GALNT15: variants seen among roughly 807,000 people sequenced by gnomAD.
GALNT15 encodes UDP-GalNAc transferase T15.
GALNT15 carries 67 observed loss-of-function variants against 66.8 expected under a neutral mutation model. That is an observed-to-expected ratio of 1.00 (90% CI 0.82 to 1.23). The LOEUF (loss-of-function observed/expected upper bound fraction) is 1.23. GALNT15 is among the 50% of genes most tolerant of loss of function. The probability of loss-of-function intolerance (pLI) is 0.00; values close to 1 mark genes in which losing one functional copy is unlikely to be tolerated. For missense variants in GALNT15, 827 were observed against 804.3 expected (o/e 1.03, Z -0.34); for synonymous variants, 313 against 311.5 (o/e 1.00, Z -0.05).
At chr3:16,216,906 TTCTA>T (rs1202723683) in intron 6 of GALNT15, among the ~76,000 whole-genome samples, 4 of 152,332 alleles carry the variant, frequency 2.6e-5, no homozygotes, top group South Asian at 4.1e-4. Flanking sequence ...TTTCAGGTTT[TTCTA>T]TCTGTTGGGA....
rs2063533142 is a variant in GALNT15 at position 16,187,808 on chromosome 3, C to T, written c.540-7952C>T. Among the ~76,000 whole-genome samples the T allele has an allele frequency of 6.6e-6, 1 of 152,184 alleles. No homozygotes were observed. Among genetic ancestry groups the T allele is most frequent in the African/African-American group, 2.4e-5 (1 of 41,448 alleles). On this transcript the variant is annotated intron_variant, in intron 1 of 9. Coordinates refer to ENST00000339732, the MANE Select transcript of GALNT15 (RefSeq NM_054110.5). This position sits in a 1 kb window ranked among gnomAD's most constrained non-coding sequence, Gnocchi z 5.1. ...ATAATTCTTGTAATAATTCATGCTG[C>T]TAAAGCACAGCACCTGGTACATAGG... is the stretch of plus-strand genomic sequence containing the variant.
chr3:16,215,838 A>G (rs1215617924), intron 6 of GALNT15, among the ~76,000 whole-genome samples: 1 of 150,512 alleles, frequency 6.6e-6, no homozygotes, highest in Non-Finnish European at 1.5e-5. Flanking sequence ...TGAACCCAGA[A>G]GGCGGAGGTT....
intron 8 of GALNT15, chr3:16,220,229 A>G (rs376743975): frequency 7.1e-6 from 4 of 564,014 alleles, no homozygotes; most frequent in African/African-American, 3.7e-5. Context: ...GTCAGAAAAT[A>G]AAAGCATCTT....
At chr3:16,241,938 G>A in the GALNT15 span, among the ~76,000 whole-genome samples, 36 of 152,310 alleles carry the variant, frequency 2.4e-4, 1 homozygote, top group South Asian at 1.0e-3. The surrounding 1 kb of genome is among the most constrained non-coding windows in gnomAD (Gnocchi z 4.6). Context: ...GTCAGCTCAT[G>A]GCTGTTCTTT....
chr3:16,216,313 C>T (rs2124893582), intron 6 of GALNT15, among the ~76,000 whole-genome samples: 1 of 151,652 alleles, frequency 6.6e-6, no homozygotes, highest in East Asian at 1.9e-4. Context: ...GCCTGGGCAA[C>T]ATGGTGAAAC....
intron 9 of GALNT15, among the ~76,000 whole-genome samples, chr3:16,226,426 C>T (rs2064019331): frequency 6.6e-6 from 1 of 152,188 alleles, no homozygotes; most frequent in South Asian, 2.1e-4. Context: ...AATTGACTCA[C>T]AGTTCTGCAG....
At chr3:16,222,507 G>A (rs2221478) in intron 8 of GALNT15, 108 bp from the exon 9 acceptor site, 1 of 1,340,834 alleles carries the variant, frequency 7.5e-7, no homozygotes. Flanking sequence ...GATAGAATCT[G>A]AAGATTGCCC....
chr3:16,200,504 A>T lies in GALNT15; in HGVS notation c.707-115A>T. The stretch of plus-strand genomic sequence containing the variant: ...CACTGTAGTAATGTTTTCGGTTCTT[A>T]GGACCCAGGTGCTCACCACAGCTTC... On this transcript the variant is annotated intron_variant, in intron 2 of 9. Coordinates refer to ENST00000339732, the MANE Select transcript of GALNT15 (RefSeq NM_054110.5). The surrounding 1 kb of genome is among the most constrained non-coding windows in gnomAD (Gnocchi z 4.4). 1 of 749,224 alleles carries T rather than the reference A, an allele frequency of 1.3e-6. No individual in the cohort carries two copies. Among genetic ancestry groups the T allele is most frequent in the Non-Finnish European group, 2.0e-6 (1 of 497,088 alleles). The allele number at this position is 749,224 out of a possible 1,614,324, so 46.4% of individuals were successfully genotyped here.
chr3:16,220,399 C>A, intron 8 of GALNT15: 1 of 243,258 alleles, frequency 4.1e-6, no homozygotes, highest in Non-Finnish European at 8.1e-6. Flanking sequence ...GTAATCAAAT[C>A]AGGATAAGGA....
the GALNT15 span, among the ~76,000 whole-genome samples, chr3:16,246,309 GT>G: frequency 7.1e-6 from 1 of 140,424 alleles, no homozygotes; most frequent in African/African-American, 2.7e-5. Context: ...AAACATACAT[GT>G]TTTGAAAGTG....
the GALNT15 span, among the ~76,000 whole-genome samples, chr3:16,237,876 G>A: frequency 1.3e-5 from 2 of 152,078 alleles, no homozygotes; most frequent in African/African-American, 2.4e-5. The surrounding 1 kb of genome is among the most constrained non-coding windows in gnomAD (Gnocchi z 4.2). Flanking sequence ...ACTGGTTTAC[G>A]CAATGGCCTC....
intron 5 of GALNT15, among the ~76,000 whole-genome samples, chr3:16,212,228 A>AAAAGG (rs1157320597): frequency 6.6e-6 from 1 of 151,854 alleles, no homozygotes; most frequent in African/African-American, 2.4e-5. Flanking sequence ...TCCCTGAGGA[A>AAAAGG]GTGTCCTTTG....
rs1436609273 is a variant in GALNT15 at position 16,196,330 on chromosome 3, C to T, written c.706+404C>T. ...ACCCTGGTGCAGCACTTTACACATA[C>T]GCACATATGTGTATCGGTCCTTCAC... On this transcript the variant is annotated intron_variant, in intron 2 of 9. Transcript: ENST00000339732. Among the ~76,000 whole-genome samples, 8 of 152,180 alleles carry T rather than the reference C, an allele frequency of 5.3e-5. No homozygotes were observed. The South Asian group carries it at 1.4e-3, about 28-fold the overall frequency.
At position 16,188,077 on chromosome 3, in the gene GALNT15, C is replaced by G. The variant is rs1020155402; in HGVS notation, c.540-7683C>G. ...TCAAGGGGGATTCAGAGGTCTGAGC[C>G]TGATGGAAGGTCGTCGTCCAGGGCA... On this transcript the variant is annotated intron_variant, in intron 1 of 9. Transcript: ENST00000339732. The surrounding 1 kb of genome is among the most constrained non-coding windows in gnomAD (Gnocchi z 4.6). 6.6e-6 allele frequency among the ~76,000 whole-genome samples: 1 copy of G among 152,150 alleles called. No individual in the cohort carries two copies. The highest frequency in any genetic ancestry group is 2.4e-5 in the African/African-American group (1 of 41,414).
rs758256867 is a variant in GALNT15 at position 16,227,430 on chromosome 3, T to C, written c.1850T>C (p.Leu617Pro). 3.1e-6 allele frequency: 5 copies of C among 1,614,150 alleles called. No homozygotes were observed. The highest frequency in any genetic ancestry group is 4.5e-5 in the East Asian group (2 of 44,880). Residue 617 changes from leucine to proline, a missense_variant, in exon 10 of 10, where the codon CTG (leucine) becomes CCG (proline). By Grantham distance (98) the Leu-to-Pro change is moderately conservative. Transcript: ENST00000339732. The surrounding 1 kb of genome is among the most constrained non-coding windows in gnomAD (Gnocchi z 4.5). ...VVQENNKDLYLRPCDGKARQQ... is the reference protein window; with the variant it reads ...VVQENNKDLYPRPCDGKARQQ... ...CAAGAAAACAATAAAGATTTGTACC[T>C]GCGTCCGTGTGATGGAAAAGCCCGC... is the stretch of plus-strand genomic sequence containing the variant.
chr3:16,235,390 C>T (rs566949000), downstream of GALNT15, among the ~76,000 whole-genome samples: 1 of 152,274 alleles, frequency 6.6e-6, no homozygotes, highest in East Asian at 1.9e-4. Flanking sequence ...AATGTTCCCC[C>T]TCATATTTCA....
the GALNT15 span, among the ~76,000 whole-genome samples, chr3:16,244,536 A>G: frequency 3.3e-5 from 5 of 152,242 alleles, no homozygotes; most frequent in Non-Finnish European, 7.3e-5. Context: ...TCCTAACGCC[A>G]TTGGGCAAAT....
In GALNT15 at chr3:16,203,543, TCA is replaced by T. The variant is rs1164976010; in HGVS notation, c.911+2765_911+2766del. Among the ~76,000 whole-genome samples, 877 of 60,984 alleles carry T rather than the reference TCA, an allele frequency of 0.014. 7 individuals are homozygous for T. Among genetic ancestry groups the T allele is most frequent in the Non-Finnish European group, 0.016 (449 of 28,086 alleles). 40.0% of individuals were successfully genotyped at this position (60,984 alleles called of 152,430 possible). On this transcript the variant is annotated intron_variant, in intron 3 of 9. Transcript: ENST00000339732. The surrounding 1 kb of genome is among the most constrained non-coding windows in gnomAD (Gnocchi z 6.2). ...CATTCTCTCTCTCTCTCTCTCTCTC[TCA>T]CACACACACACACACACACACACAC... is the stretch of plus-strand genomic sequence containing the variant.
downstream of GALNT15, among the ~76,000 whole-genome samples, chr3:16,234,328 T>C: frequency 6.6e-6 from 1 of 152,206 alleles, no homozygotes; most frequent in East Asian, 1.9e-4. Flanking sequence ...GGTTTCTTTT[T>C]TTTTTTCTTC....
Sources: gnomAD v4.1 joint callset for allele counts (sites outside exome capture counted in the v4.1 genomes callset) on GRCh38, gnomAD v4.1.1 for gene constraint, Gnocchi (gnomAD v3.1) non-coding constraint, MANE v1.5 for transcripts, NCBI Gene and HGNC (gene_info 2026-07-23, HGNC 2026-07-21) for gene names.